Variants in TNNI3K observed in about 807,000 individuals in gnomAD.
The protein encoded by TNNI3K is TNNI3 interacting kinase.
In TNNI3K, 140 loss-of-function variants were observed where a neutral mutation model predicts 114.5. The ratio of observed to expected loss-of-function variants is 1.22; its 90% CI spans 1.07 to 1.41. The LOEUF (loss-of-function observed/expected upper bound fraction) is 1.41. Among genes scored for constraint, TNNI3K ranks in the 40% most tolerant of loss-of-function variants. The pLI is 0.00. For synonymous variants in TNNI3K, 347 were observed against 347.5 expected (o/e 1.00, Z 0.02); for missense variants, 1,125 against 1,007.6 (o/e 1.12, Z -1.58).
chr1:74,428,526 G>A (rs1665741939), intron 17 of TNNI3K, among the ~76,000 whole-genome samples: 3 of 151,978 alleles, frequency 2.0e-5, no homozygotes, highest in Non-Finnish European at 2.9e-5. Context: ...ATAAAATAAC[G>A]TCTAAAAAAC....
intron 5 of TNNI3K, among the ~76,000 whole-genome samples, chr1:74,279,822 T>C (rs1570410658): frequency 6.6e-6 from 1 of 152,184 alleles, no homozygotes; most frequent in Admixed American, 6.5e-5. Flanking sequence ...TTCTAAGATA[T>C]AAAATTTCAT....
At chr1:74,327,079 CAAA>C (rs552823540) in intron 5 of TNNI3K, among the ~76,000 whole-genome samples, 8 of 64,098 alleles carry the variant, frequency 1.2e-4, no homozygotes, top group Non-Finnish European at 1.3e-4. Context: ...GACTCCGTGT[CAAA>C]AAAAAAAAAA....
chr1:74,320,780 A>G (rs1659564773), intron 5 of TNNI3K, among the ~76,000 whole-genome samples: 1 of 152,156 alleles, frequency 6.6e-6, no homozygotes, highest in Non-Finnish European at 1.5e-5. Context: ...TTTTGAGTGT[A>G]ATTTAGAAGT....
intron 2 of TNNI3K, among the ~76,000 whole-genome samples, chr1:74,241,751 G>T (rs536976311): frequency 1.3e-5 from 2 of 151,332 alleles, no homozygotes; most frequent in African/African-American, 4.9e-5. Context: ...ATGGTAGTTT[G>T]TTTTGCTGTG....
At chr1:74,523,937 C>T (rs999126709) in intron 23 of TNNI3K, among the ~76,000 whole-genome samples, 6 of 152,116 alleles carry the variant, frequency 3.9e-5, no homozygotes, top group East Asian at 1.9e-4. Flanking sequence ...CCCCCACCCC[C>T]GACAGGCCCC....
At chr1:74,319,901 A>G (rs1203760124) in intron 5 of TNNI3K, among the ~76,000 whole-genome samples, 1 of 152,198 alleles carries the variant, frequency 6.6e-6, no homozygotes, top group Non-Finnish European at 1.5e-5. Context: ...TCCAAGAGCA[A>G]TGGTTTTTGA....
At chr1:74,379,806 C>T (rs1050250536) in intron 17 of TNNI3K, among the ~76,000 whole-genome samples, 1 of 152,130 alleles carries the variant, frequency 6.6e-6, no homozygotes, top group South Asian at 2.1e-4. Flanking sequence ...TACTTCACTA[C>T]TAGAATGTCC....
At chr1:74,242,432 A>T (rs1654295575) in intron 2 of TNNI3K, among the ~76,000 whole-genome samples, 1 of 152,168 alleles carries the variant, frequency 6.6e-6, no homozygotes, top group Non-Finnish European at 1.5e-5. Flanking sequence ...CATCCTTAAA[A>T]CAAAATATCT....
intron 17 of TNNI3K, chr1:74,371,886 G>A (rs1662626300): frequency 6.6e-6 from 1 of 151,644 alleles, no homozygotes; most frequent in Admixed American, 6.6e-5. Context: ...TAGTGAGGGA[G>A]TTGTTGCAGT....
chr1:74,309,703 A>G (rs888679421), intron 5 of TNNI3K, among the ~76,000 whole-genome samples: 31 of 152,316 alleles, frequency 2.0e-4, no homozygotes, highest in Non-Finnish European at 4.0e-4. Flanking sequence ...ATTGACAACC[A>G]AGAACAAATT....
chr1:74,446,080 G>C lies in TNNI3K; in HGVS notation c.2011+6458G>C, dbSNP rs1087089. 6.3e-3 allele frequency among the ~76,000 whole-genome samples: 955 copies of C among 151,918 alleles called. 9 individuals are homozygous for C. Among genetic ancestry groups the C allele is most frequent in the African/African-American group, 0.022 (892 of 41,416 alleles). On this transcript the variant is annotated intron_variant, in intron 20 of 24. Transcript: ENST00000326637. Reference sequence around the variant, plus strand: ...AGTAATGGGATGGCTGGGTCAAATGGTATTTCTAGTTCTAGATCCCTGAGG... The same window carrying C: ...AGTAATGGGATGGCTGGGTCAAATGCTATTTCTAGTTCTAGATCCCTGAGG...
chr1:74,471,974 T>C, intron 21 of TNNI3K: 1 of 625,158 alleles, frequency 1.6e-6, no homozygotes, highest in Non-Finnish European at 2.9e-6. Flanking sequence ...TCATCATATT[T>C]TGATCTATTT....
intron 23 of TNNI3K, among the ~76,000 whole-genome samples, chr1:74,538,095 A>G (rs1646681521): frequency 6.6e-6 from 1 of 152,144 alleles, no homozygotes; most frequent in Non-Finnish European, 1.5e-5. Flanking sequence ...GCTTCCTGCC[A>G]GGGATAAATA....
intron 16 of TNNI3K, 52 bp downstream of exon 16, chr1:74,369,637 T>G (rs558714394): frequency 6.6e-7 from 1 of 1,510,386 alleles, no homozygotes; most frequent in Admixed American, 2.2e-5. Flanking sequence ...GAAACTACTC[T>G]TGCAATACTT....
intron 17 of TNNI3K, among the ~76,000 whole-genome samples, chr1:74,424,012 G>A (rs1665515194): frequency 6.6e-6 from 1 of 152,118 alleles, no homozygotes; most frequent in Non-Finnish European, 1.5e-5. Flanking sequence ...GATTTGTCAA[G>A]TGGAGATAAG....
At chr1:74,246,942 G>T (rs1012259471) in intron 2 of TNNI3K, among the ~76,000 whole-genome samples, 8 of 152,130 alleles carry the variant, frequency 5.3e-5, no homozygotes, top group Non-Finnish European at 1.2e-4. Flanking sequence ...TAAGTAGTTT[G>T]TTCTTTTTTT....
At chr1:74,493,402 T>A (rs1243491893) in intron 23 of TNNI3K, among the ~76,000 whole-genome samples, 1 of 152,060 alleles carries the variant, frequency 6.6e-6, no homozygotes, top group Non-Finnish European at 1.5e-5. Flanking sequence ...ACAAAAAGAT[T>A]AAGCAAAAAG....
intron 20 of TNNI3K, among the ~76,000 whole-genome samples, chr1:74,462,601 A>C (rs1029978968): frequency 6.6e-6 from 1 of 152,224 alleles, no homozygotes; most frequent in South Asian, 2.1e-4. Context: ...CCTACTTTGC[A>C]TGGTGGTTAG....
chr1:74,401,174 A>T (rs532905223), intron 17 of TNNI3K, among the ~76,000 whole-genome samples: 1 of 152,284 alleles, frequency 6.6e-6, no homozygotes, highest in East Asian at 1.9e-4. Flanking sequence ...AGAAACATAG[A>T]TATCTTCCTA....
Sources: allele counts gnomAD v4.1 joint callset (sites outside exome capture counted in the v4.1 genomes callset), GRCh38; gene constraint gnomAD v4.1.1; transcripts MANE v1.5; gene names NCBI Gene and HGNC (gene_info 2026-07-23, HGNC 2026-07-21).